SIPA1L1: variants seen among roughly 807,000 people sequenced by gnomAD.
SIPA1L1 encodes the protein signal-induced proliferation-associated 1-like protein 1.
In SIPA1L1, 26 loss-of-function variants were observed where a neutral mutation model predicts 162.7. That is an observed-to-expected ratio of 0.16 (90% confidence interval 0.12 to 0.22). The LOEUF is 0.22. Among genes scored for constraint, SIPA1L1 ranks in the 10% least tolerant of loss-of-function variants. The pLI is 1.00. For synonymous variants in SIPA1L1, 829 were observed against 837.4 expected (o/e 0.99, Z 0.17); for missense variants, 1,874 against 2,241.0 (o/e 0.84, Z 3.31).
chr14:71,509,780 T>C (rs1018413210), intron 2 of SIPA1L1, among the ~76,000 whole-genome samples: 1 of 150,996 alleles, frequency 6.6e-6, no homozygotes, highest in Non-Finnish European at 1.5e-5. Context: ...GAAAGAAAGC[T>C]CAAGCAAACA....
chr14:71,613,621 G>A (rs1001354344), intron 5 of SIPA1L1, among the ~76,000 whole-genome samples: 19 of 151,832 alleles, frequency 1.3e-4, no homozygotes, highest in African/African-American at 4.1e-4. Flanking sequence ...TTTGCTCATC[G>A]AAGTCTTCCT....
intron 5 of SIPA1L1, among the ~76,000 whole-genome samples, chr14:71,606,273 A>T (rs2037485491): frequency 6.6e-6 from 1 of 152,132 alleles, no homozygotes; most frequent in Admixed American, 6.5e-5. Flanking sequence ...CAGGCCGTGA[A>T]GTCTGTCTGG....
chr14:71,691,653 C>T (rs1566662823), intron 13 of SIPA1L1, among the ~76,000 whole-genome samples: 1 of 152,106 alleles, frequency 6.6e-6, no homozygotes, highest in Non-Finnish European at 1.5e-5. Context: ...CGTCACCACC[C>T]CCATCCCTAG....
intron 2 of SIPA1L1, among the ~76,000 whole-genome samples, chr14:71,413,718 CAA>C (rs1321817874): frequency 6.6e-6 from 1 of 152,052 alleles, no homozygotes; most frequent in Non-Finnish European, 1.5e-5. Context: ...GCCTGGGCGA[CAA>C]GAGCAAAACA....
intron 2 of SIPA1L1, among the ~76,000 whole-genome samples, chr14:71,394,740 T>C (rs1014605791): frequency 5.9e-5 from 9 of 152,234 alleles, no homozygotes; most frequent in Non-Finnish European, 1.5e-5. Context: ...AAGTTTGTAG[T>C]TGAATAATGT....
At chr14:71,419,480 CTTT>C (rs779874892) in intron 2 of SIPA1L1, among the ~76,000 whole-genome samples, 2 of 85,242 alleles carry the variant, frequency 2.3e-5, no homozygotes, top group Non-Finnish European at 4.6e-5. Flanking sequence ...GAGGATCTCT[CTTT>C]TTTTTTTTTT....
chr14:71,592,254 C>T (rs747195164), intron 5 of SIPA1L1, among the ~76,000 whole-genome samples: 1 of 152,142 alleles, frequency 6.6e-6, no homozygotes, highest in Non-Finnish European at 1.5e-5. Flanking sequence ...CAATTTGTTA[C>T]AGTATGATAA....
chr14:71,738,380 C>A, intron 23 of SIPA1L1, 55 bp downstream of exon 23: 1 of 1,186,978 alleles, frequency 8.4e-7, no homozygotes, highest in Non-Finnish European at 1.2e-6. Flanking sequence ...ACCCTTGAAC[C>A]ATGAGAGCCC....
In SIPA1L1 at chr14:71,587,867, T is replaced by C. The variant is rs1406187055; in HGVS notation, c.-6T>C. 4 of 1,595,856 alleles carry C rather than the reference T, an allele frequency of 2.5e-6. No homozygotes were observed. The highest frequency in any genetic ancestry group is 3.4e-6 in the Non-Finnish European group (4 of 1,165,372). ...GCAGGGATTTAAGTCTACTTGCTTT[T>C]ACATCATGACCAGCTTGAAACGGTC... On this transcript the variant is annotated 5_prime_UTR_variant, in exon 5 of 24. Coordinates refer to ENST00000381232, the MANE Select transcript of SIPA1L1 (RefSeq NM_001386936.1).
chr14:71,722,993 C>G (rs1377594017), intron 17 of SIPA1L1, among the ~76,000 whole-genome samples: 1 of 152,246 alleles, frequency 6.6e-6, no homozygotes, highest in Admixed American at 6.5e-5. Context: ...GCCTCAGCCT[C>G]CCAAAGTGCT....
rs1040646462 is a variant in SIPA1L1 at position 71,377,428 on chromosome 14, C to T, written c.-465+56247C>T. Among the ~76,000 whole-genome samples, 8 of 151,350 alleles carry T rather than the reference C, an allele frequency of 5.3e-5. No homozygotes were observed. The highest frequency in any genetic ancestry group is 5.3e-4 in the Admixed American group (8 of 15,214). ...CTCACCTCCCAGACAGGGTGGCAGC[C>T]GGGTAGAGATGCTCCTCACTTCCCA... On this transcript the variant is annotated intron_variant, in intron 2 of 23. Transcript: ENST00000381232. The surrounding 1 kb of genome is among the most constrained non-coding windows in gnomAD (Gnocchi z 4.8).
At chr14:71,574,671 T>C (rs2032692567) in intron 4 of SIPA1L1, 1 of 149,348 alleles carries the variant, frequency 6.7e-6, no homozygotes, top group Non-Finnish European at 1.5e-5. Flanking sequence ...AGTTAGAGGA[T>C]TTATTTTACT....
intron 2 of SIPA1L1, among the ~76,000 whole-genome samples, chr14:71,396,620 T>C (rs2041225731): frequency 6.6e-6 from 1 of 152,224 alleles, no homozygotes; most frequent in Non-Finnish European, 1.5e-5. Context: ...GAAGGTGTTA[T>C]GGTAAAACTG....
chr14:71,333,881 G>A (rs2034816851), intron 2 of SIPA1L1, among the ~76,000 whole-genome samples: 1 of 152,172 alleles, frequency 6.6e-6, no homozygotes, highest in Non-Finnish European at 1.5e-5. Flanking sequence ...TATGATAGCA[G>A]CTGTGGAGGT....
intron 7 of SIPA1L1, among the ~76,000 whole-genome samples, chr14:71,628,715 G>A (rs2040274176): frequency 6.6e-6 from 1 of 152,184 alleles, no homozygotes; most frequent in Non-Finnish European, 1.5e-5. Flanking sequence ...GAGCATGGAG[G>A]TACAAGCCAG....
intron 2 of SIPA1L1, among the ~76,000 whole-genome samples, chr14:71,374,142 T>C (rs1566944872): frequency 6.6e-6 from 1 of 152,208 alleles, no homozygotes; most frequent in Non-Finnish European, 1.5e-5. Flanking sequence ...CATGGGCATA[T>C]TGTATATTCT....
intron 15 of SIPA1L1, 36 bp from the exon 16 acceptor site, chr14:71,705,186 A>C: frequency 1.4e-6 from 2 of 1,430,336 alleles, no homozygotes; most frequent in Non-Finnish European, 9.9e-7. Flanking sequence ...GTTTCTGCTT[A>C]GTGCCTGCAC....
At chr14:71,701,742 G>T (rs1302305533) in intron 14 of SIPA1L1, among the ~76,000 whole-genome samples, 2 of 152,110 alleles carry the variant, frequency 1.3e-5, no homozygotes, top group Non-Finnish European at 2.9e-5. Context: ...ATAGCTAAAT[G>T]TTCTTTCCAG....
intron 17 of SIPA1L1, among the ~76,000 whole-genome samples, chr14:71,722,143 G>A (rs1016891806): frequency 6.6e-6 from 1 of 152,204 alleles, no homozygotes; most frequent in African/African-American, 2.4e-5. Flanking sequence ...AGGGAGCATA[G>A]GCGATGCAGG....
Sources: allele counts gnomAD v4.1 joint callset (sites outside exome capture counted in the v4.1 genomes callset), GRCh38; gene constraint gnomAD v4.1.1; non-coding constraint Gnocchi (gnomAD v3.1); transcripts MANE v1.5; gene names NCBI Gene and HGNC (gene_info 2026-07-23, HGNC 2026-07-21).